Variants in MACROD2 observed in about 807,000 individuals in gnomAD.
MACROD2 encodes ADP-ribose glycohydrolase MACROD2.
MACROD2 carries 36 observed loss-of-function variants against 70.4 expected under a neutral mutation model. The observed-to-expected ratio is 0.51, with a 90% CI of 0.39 to 0.68. The LOEUF (loss-of-function observed/expected upper bound fraction) is 0.68, where lower values mean the gene tolerates loss of function less well. MACROD2 is among the 30% of genes least tolerant of loss of function. The pLI, the probability that MACROD2 is intolerant of heterozygous loss-of-function variation, is 0.00. For missense variants in MACROD2, 496 were observed against 538.4 expected, an observed-to-expected ratio of 0.92 and a Z score of 0.78; for synonymous variants, 172 against 178.8, an observed-to-expected ratio of 0.96 and a Z score of 0.30.
At chr20:15,169,798 G>A (rs1354316282) in intron 5 of MACROD2, among the ~76,000 whole-genome samples, 1 of 151,948 alleles carries the variant, frequency 6.6e-6, no homozygotes, top group Non-Finnish European at 1.5e-5. Flanking sequence ...ATCAGATGTG[G>A]GCATTTCCCT....
intron 4 of MACROD2, among the ~76,000 whole-genome samples, chr20:14,562,785 C>G (rs557126122): frequency 5.3e-5 from 8 of 151,988 alleles, no homozygotes; most frequent in African/African-American, 1.9e-4. Flanking sequence ...CATCCTTTCT[C>G]ATTCTTTCTT....
At chr20:14,231,184 A>T (rs938012430) in intron 3 of MACROD2, among the ~76,000 whole-genome samples, 2 of 151,704 alleles carry the variant, frequency 1.3e-5, no homozygotes, top group African/African-American at 4.8e-5. Flanking sequence ...CATGTGCACA[A>T]TGTGCAGGTT....
At chr20:15,395,693 A>T (rs2045851449) in intron 6 of MACROD2, among the ~76,000 whole-genome samples, 1 of 152,184 alleles carries the variant, frequency 6.6e-6, no homozygotes, top group South Asian at 2.1e-4. Context: ...ACTAGCTCCT[A>T]TGCTTTCATT....
chr20:15,398,685 T>C (rs1463443342), intron 6 of MACROD2, among the ~76,000 whole-genome samples: 1 of 152,254 alleles, frequency 6.6e-6, no homozygotes, highest in Non-Finnish European at 1.5e-5. Flanking sequence ...ATATCTTCTC[T>C]CTTTTTGCCG....
intron 10 of MACROD2, among the ~76,000 whole-genome samples, chr20:15,919,164 T>C (rs2065364087): frequency 6.6e-6 from 1 of 152,226 alleles, no homozygotes; most frequent in African/African-American, 2.4e-5. Flanking sequence ...AGGGCAAACT[T>C]CTGCAAATTG....
intron 15 of MACROD2, among the ~76,000 whole-genome samples, chr20:16,040,944 C>T (rs530922413): frequency 1.3e-5 from 2 of 152,114 alleles, no homozygotes; most frequent in African/African-American, 4.8e-5. Flanking sequence ...TGCTGTCATG[C>T]TACCAGATTT....
intron 5 of MACROD2, among the ~76,000 whole-genome samples, chr20:15,178,361 T>C (rs1046441668): frequency 2.4e-4 from 36 of 152,248 alleles, no homozygotes; most frequent in Admixed American, 2.2e-3. Context: ...CTTATGGGCA[T>C]CCTTCTTCAA....
At chr20:14,167,080 T>G (rs1177453099) in intron 3 of MACROD2, among the ~76,000 whole-genome samples, 1 of 152,188 alleles carries the variant, frequency 6.6e-6, no homozygotes, top group Non-Finnish European at 1.5e-5. Flanking sequence ...TTAACATGTC[T>G]TGATTTTCTG....
At chr20:15,484,571 C>T (rs1200188452) in intron 7 of MACROD2, among the ~76,000 whole-genome samples, 1 of 152,150 alleles carries the variant, frequency 6.6e-6, no homozygotes, top group African/African-American at 2.4e-5. Context: ...AGTTTAGGCT[C>T]AGGTGAAATA....
Position 15,529,292 on chromosome 20 carries a change from C to CTGTG in MACROD2, c.645+29461_645+29464dup, listed in dbSNP as rs56136161. Reference sequence around the variant, plus strand: ...GATGCGTGTGTGTGTGTGTGCATGCCTGTGTGTGTGTGTGTGTGTAAGTGT... The same window carrying CTGTG: ...GATGCGTGTGTGTGTGTGTGCATGCCTGTGTGTGTGTGTGTGTGTGTGTAAGTGT... On this transcript the variant is annotated intron_variant, in intron 8 of 17. Transcript: ENST00000684519. 9.7e-3 allele frequency among the ~76,000 whole-genome samples: 1,442 copies of CTGTG among 149,246 alleles called. 29 individuals carry two copies. Among genetic ancestry groups the CTGTG allele is most frequent in the African/African-American group, 0.034 (1,367 of 40,762 alleles).
intron 7 of MACROD2, among the ~76,000 whole-genome samples, chr20:15,492,374 C>A (rs2047242656): frequency 6.6e-6 from 1 of 152,116 alleles, no homozygotes; most frequent in Non-Finnish European, 1.5e-5. Context: ...CCAATCTCTC[C>A]TCCCGTGCAT....
chr20:15,908,332 C>G (rs1262006488), intron 10 of MACROD2, among the ~76,000 whole-genome samples: 1 of 152,350 alleles, frequency 6.6e-6, no homozygotes, highest in South Asian at 2.1e-4. Flanking sequence ...GTGGCCTTCT[C>G]CACCTCCAGC....
intron 5 of MACROD2, among the ~76,000 whole-genome samples, chr20:14,978,005 T>C (rs1362472403): frequency 6.6e-6 from 1 of 152,190 alleles, no homozygotes; most frequent in African/African-American, 2.4e-5. Context: ...TATTGAAGCT[T>C]CAGATTCTTC....
At chr20:15,717,217 C>A (rs59739723) in intron 8 of MACROD2, among the ~76,000 whole-genome samples, 2 of 152,180 alleles carry the variant, frequency 1.3e-5, no homozygotes, top group African/African-American at 4.8e-5. Context: ...TAAGCCCAAT[C>A]AATTTGATTT....
At chr20:15,565,210 T>C (rs2048294819) in intron 8 of MACROD2, among the ~76,000 whole-genome samples, 2 of 152,164 alleles carry the variant, frequency 1.3e-5, no homozygotes, top group South Asian at 4.1e-4. Flanking sequence ...ATCTTACAGA[T>C]TACCAACAGG....
At chr20:15,555,739 G>A (rs2048157170) in intron 8 of MACROD2, among the ~76,000 whole-genome samples, 1 of 140,374 alleles carries the variant, frequency 7.1e-6, no homozygotes, top group African/African-American at 2.6e-5. Context: ...TGAGGCAGGA[G>A]AATTGCTTGA....
At chr20:15,110,468 A>G (rs1248963983) in intron 5 of MACROD2, among the ~76,000 whole-genome samples, 1 of 152,110 alleles carries the variant, frequency 6.6e-6, no homozygotes, top group Non-Finnish European at 1.5e-5. Flanking sequence ...GTGAAGGGAG[A>G]GAGAAGATGA....
At chr20:15,944,342 A>G (rs2065790936) in intron 12 of MACROD2, among the ~76,000 whole-genome samples, 2 of 152,194 alleles carry the variant, frequency 1.3e-5, no homozygotes, top group Non-Finnish European at 2.9e-5. Flanking sequence ...GGTGCCCAGA[A>G]ATAAGCATAT....
intron 5 of MACROD2, among the ~76,000 whole-genome samples, chr20:15,037,848 C>T (rs2075325799): frequency 1.3e-5 from 2 of 151,912 alleles, no homozygotes; most frequent in African/African-American, 4.8e-5. Flanking sequence ...GACAGGAGGA[C>T]TAAGGGCTAC....
Sources: allele counts gnomAD v4.1 joint callset (sites outside exome capture counted in the v4.1 genomes callset), GRCh38; gene constraint gnomAD v4.1.1; transcripts MANE v1.5; gene names NCBI Gene and HGNC (gene_info 2026-07-23, HGNC 2026-07-21).